NPFFR2: variants seen among roughly 807,000 people sequenced by gnomAD.
NPFFR2 encodes neuropeptide FF receptor 2.
NPFFR2 carries 15 observed loss-of-function variants against 13.1 expected under a neutral mutation model. That is an observed-to-expected ratio of 1.15 (90% CI 0.77 to 1.76). NPFFR2 has a LOEUF of 1.76. Ranked by LOEUF, NPFFR2 falls within the 40% of genes most tolerant of loss-of-function variation. The pLI is 0.00. For synonymous variants in NPFFR2, 190 were observed against 175.7 expected, an observed-to-expected ratio of 1.08 and a Z score of -0.65; for missense variants, 572 against 503.5, an observed-to-expected ratio of 1.14 and a Z score of -1.30.
At chr4:72,122,283 GACTCCCACGCAA>G (rs1255046815) in intron 1 of NPFFR2, among the ~76,000 whole-genome samples, 2 of 152,148 alleles carry the variant, frequency 1.3e-5, no homozygotes, top group Non-Finnish European at 2.9e-5. Flanking sequence ...AAGAGACTTA[GACTCCCACGCAA>G]TAGTAGTGGG....
At chr4:72,054,103 C>G (rs566888057) in intron 1 of NPFFR2, among the ~76,000 whole-genome samples, 1 of 151,834 alleles carries the variant, frequency 6.6e-6, no homozygotes, top group South Asian at 2.1e-4. Context: ...AGATTCAATC[C>G]AACAAAATCT....
intron 2 of NPFFR2, among the ~76,000 whole-genome samples, chr4:72,135,618 G>T (rs1578479382): frequency 1.3e-5 from 2 of 152,062 alleles, no homozygotes; most frequent in Middle Eastern, 3.4e-3. Flanking sequence ...TCATGTACAT[G>T]TTTCACGGAC....
rs114363227 is a variant in NPFFR2 at position 72,084,598 on chromosome 4, A to G, written c.-7-43987A>G. ...AGCAGATGTTTTAGGTGACCCACTC[A>G]TTCTTTCAGCCCACGTCTGATTTCA... On this transcript the variant is annotated intron_variant, in intron 1 of 3. Coordinates refer to ENST00000308744, the MANE Select transcript of NPFFR2 (RefSeq NM_004885.3). 2.9e-3 allele frequency among the ~76,000 whole-genome samples: 449 copies of G among 152,260 alleles called. 2 individuals are homozygous for G. The highest frequency in any genetic ancestry group is 0.011 in the African/African-American group (441 of 41,560).
intron 3 of NPFFR2, 28 bp downstream of exon 3, chr4:72,138,167 G>A: frequency 6.5e-7 from 1 of 1,526,972 alleles, no homozygotes; most frequent in South Asian, 1.1e-5. Flanking sequence ...TCTGAATCCA[G>A]AAAAATTGGC....
chr4:72,044,611 C>T (rs1719325595), intron 1 of NPFFR2, among the ~76,000 whole-genome samples: 1 of 151,640 alleles, frequency 6.6e-6, no homozygotes, highest in Admixed American at 6.6e-5. Context: ...GATGATATCT[C>T]ATTGTGGTTT....
chr4:72,088,292 A>C (rs1720822532), intron 1 of NPFFR2, among the ~76,000 whole-genome samples: 1 of 152,028 alleles, frequency 6.6e-6, no homozygotes, highest in South Asian at 2.1e-4. Flanking sequence ...TTAACTCTAT[A>C]TTTCTACCAC....
chr4:72,138,018 G>T, intron 2 of NPFFR2, 22 bp from the exon 3 acceptor site: 1 of 1,552,772 alleles, frequency 6.4e-7, no homozygotes, highest in Non-Finnish European at 8.9e-7. Context: ...TCTTTTGAAA[G>T]ACTGTTTCAT....
chr4:72,093,150 A>C (rs1223705069), intron 1 of NPFFR2, among the ~76,000 whole-genome samples: 1 of 152,172 alleles, frequency 6.6e-6, no homozygotes, highest in East Asian at 1.9e-4. Flanking sequence ...GGGGGCTAAA[A>C]ATAGGACCCC....
intron 3 of NPFFR2, among the ~76,000 whole-genome samples, chr4:72,143,795 G>A (rs1057020038): frequency 6.6e-6 from 1 of 152,110 alleles, no homozygotes; most frequent in Non-Finnish European, 1.5e-5. Flanking sequence ...TAGTTCCTAA[G>A]CAGAACAGAC....
intron 1 of NPFFR2, among the ~76,000 whole-genome samples, chr4:72,035,737 C>CA (rs1168832608): frequency 6.6e-6 from 1 of 152,040 alleles, no homozygotes; most frequent in Non-Finnish European, 1.5e-5. Flanking sequence ...CCTGAAATGC[C>CA]AAAAAATTGG....
At chr4:72,073,313 A>G (rs148867294) in intron 1 of NPFFR2, among the ~76,000 whole-genome samples, 177 of 152,138 alleles carry the variant, frequency 1.2e-3, no homozygotes, top group African/African-American at 3.9e-3. Flanking sequence ...CCTGTACCCC[A>G]TAAACATATA....
At chr4:72,074,776 A>G (rs1720376646) in intron 1 of NPFFR2, among the ~76,000 whole-genome samples, 1 of 152,166 alleles carries the variant, frequency 6.6e-6, no homozygotes, top group Admixed American at 6.6e-5. Flanking sequence ...TATGCTGTCT[A>G]CAACAGACTC....
At position 72,115,142 on chromosome 4, in the gene NPFFR2, A is replaced by T. The variant is rs545702908; in HGVS notation, c.-7-13443A>T. Among the ~76,000 whole-genome samples the T allele has an allele frequency of 1.1e-3, 169 of 152,218 alleles. 1 individual carries two copies. Among genetic ancestry groups the T allele is most frequent in the South Asian group, 2.3e-3 (11 of 4,820 alleles). ...GTTCATGGCCAATATGTTGTTTCTA[A>T]ACTTTTCCTATAACAAAGTTACAAT... On this transcript the variant is annotated intron_variant, in intron 1 of 3. Coordinates refer to ENST00000308744, the MANE Select transcript of NPFFR2 (RefSeq NM_004885.3).
chr4:72,147,898 C>T lies in NPFFR2; in HGVS notation c.*86C>T. The T allele has an allele frequency of 9.7e-7, 1 of 1,032,162 alleles. No individual in the cohort carries two copies. The highest frequency in any genetic ancestry group is 1.3e-6 in the Non-Finnish European group (1 of 744,950). 63.9% of individuals were successfully genotyped at this position (1,032,162 alleles called of 1,614,324 possible). On this transcript the variant is annotated 3_prime_UTR_variant, in exon 4 of 4. Coordinates refer to ENST00000308744, the MANE Select transcript of NPFFR2 (RefSeq NM_004885.3). ...TTGTGGCTTTGCACTTCAAATTTTT[C>T]AAAGAATGTTCTAAATAAAACATTT...
rs28535735 is a variant in NPFFR2, at chr4:72,146,554, C to T, written c.429-424C>T. The T allele has an allele frequency of 4.7e-3, 800 of 171,758 alleles. 1 individual carries two copies. Among genetic ancestry groups the T allele is most frequent in the Middle Eastern group, 0.011 (4 of 350 alleles). The allele number at this position is 171,758 out of a possible 1,614,324, so 10.6% of individuals were successfully genotyped here. On this transcript the variant is annotated intron_variant, in intron 3 of 3. Transcript: ENST00000308744. Reference sequence around the variant, plus strand: ...CTAAGAGCTACCCATCTAAAGAGGACGATGTAGAGGTTGAGTTTGAGCTCT... The same window carrying T: ...CTAAGAGCTACCCATCTAAAGAGGATGATGTAGAGGTTGAGTTTGAGCTCT...
chr4:72,095,840 A>G (rs959756772), intron 1 of NPFFR2, among the ~76,000 whole-genome samples: 3 of 152,134 alleles, frequency 2.0e-5, no homozygotes, highest in African/African-American at 7.2e-5. Flanking sequence ...GGCTTAGCTC[A>G]TTCTCTGCTC....
At chr4:72,111,134 T>G (rs1721554898) in intron 1 of NPFFR2, among the ~76,000 whole-genome samples, 1 of 151,936 alleles carries the variant, frequency 6.6e-6, no homozygotes, top group African/African-American at 2.4e-5. Flanking sequence ...GTCATGTGAG[T>G]CACCACAGTC....
At chr4:72,049,567 A>G (rs1469038690) in intron 1 of NPFFR2, among the ~76,000 whole-genome samples, 1 of 152,098 alleles carries the variant, frequency 6.6e-6, no homozygotes, top group Admixed American at 6.6e-5. Context: ...TGGTAGGAGA[A>G]CTTTAAAAAC....
At chr4:72,076,096 C>A (rs923691552) in intron 1 of NPFFR2, among the ~76,000 whole-genome samples, 2 of 151,108 alleles carry the variant, frequency 1.3e-5, no homozygotes, top group Non-Finnish European at 2.9e-5. Context: ...ACCGGTAAGG[C>A]TAGACGGCAT....
Sources: gnomAD v4.1 joint callset for allele counts (sites outside exome capture counted in the v4.1 genomes callset) on GRCh38, gnomAD v4.1.1 for gene constraint, MANE v1.5 for transcripts, NCBI Gene and HGNC (gene_info 2026-07-23, HGNC 2026-07-21) for gene names.